PARVB: variants seen among roughly 807,000 people sequenced by gnomAD.
PARVB encodes beta-parvin.
In PARVB, 46 loss-of-function variants were observed where a neutral mutation model predicts 47.0. That is an observed-to-expected ratio of 0.98 (90% CI 0.77 to 1.25). The LOEUF is 1.25. Among genes scored for constraint, PARVB ranks in the 50% most tolerant of loss-of-function variants. The pLI, the probability that PARVB is intolerant of heterozygous loss-of-function variation, is 0.00. For synonymous variants in PARVB, 196 were observed against 196.3 expected (o/e 1.00, Z 0.01); for missense variants, 473 against 471.6 (o/e 1.00, Z -0.03).
Position 44,147,855 on chromosome 22 carries a change from C to T in PARVB, c.713-6C>T. 1 of 1,613,808 alleles carries T rather than the reference C, an allele frequency of 6.2e-7. No individual in the cohort carries two copies. The highest frequency in any genetic ancestry group is 8.5e-7 in the Non-Finnish European group (1 of 1,179,698). Reference sequence around the variant, plus strand: ...CTCCTTCGTGTCTCTCTTTGCATGTCCTCAGAGCGGGATGCCTTCGACACG... The same window carrying T: ...CTCCTTCGTGTCTCTCTTTGCATGTTCTCAGAGCGGGATGCCTTCGACACG... On this transcript the variant is annotated splice_polypyrimidine_tract_variant and splice_region_variant and intron_variant, in intron 8 of 12. Coordinates refer to ENST00000338758, the MANE Select transcript of PARVB (RefSeq NM_013327.5).
At chr22:44,099,340 T>A (rs933711572) in intron 2 of PARVB, among the ~76,000 whole-genome samples, 6 of 152,182 alleles carry the variant, frequency 3.9e-5, no homozygotes, top group African/African-American at 9.7e-5. Context: ...ACGCCTAGCC[T>A]TGGTGGGTGC....
At chr22:44,108,881 G>A (rs200411820) in intron 3 of PARVB, 2 of 152,108 alleles carry the variant, frequency 1.3e-5, no homozygotes, top group African/African-American at 2.4e-5. Flanking sequence ...CAGGGGATGC[G>A]ATGGCCTGGC....
intron 1 of PARVB, among the ~76,000 whole-genome samples, chr22:44,030,140 G>C (rs1447059044): frequency 6.6e-6 from 1 of 152,238 alleles, no homozygotes; most frequent in African/African-American, 2.4e-5. Context: ...GAAGGGAGGG[G>C]AGCTGTGGCA....
At chr22:44,143,678 A>G (rs940564631) in intron 8 of PARVB, 2 of 152,350 alleles carry the variant, frequency 1.3e-5, no homozygotes, top group African/African-American at 4.8e-5. Flanking sequence ...GCCTCCTGAC[A>G]GCATCACTGT....
At chr22:44,162,842 A>G (rs2054082159) in intron 11 of PARVB, 1 of 152,188 alleles carries the variant, frequency 6.6e-6, no homozygotes, top group South Asian at 2.1e-4. Context: ...TAGCAGGATA[A>G]AAGCTTCAGG....
At chr22:44,052,030 G>A (rs997847457) in intron 1 of PARVB, among the ~76,000 whole-genome samples, 1 of 152,164 alleles carries the variant, frequency 6.6e-6, no homozygotes, top group Non-Finnish European at 1.5e-5. Context: ...CGGCTCTGCC[G>A]ACACCTTGAT....
chr22:44,023,762 C>G (rs2050683825), upstream of PARVB, among the ~76,000 whole-genome samples: 1 of 152,092 alleles, frequency 6.6e-6, no homozygotes, highest in Admixed American at 6.5e-5. Context: ...AAGCCATTTC[C>G]TGGGGCCTCC....
rs533538516 is a variant in PARVB at position 44,035,480 on chromosome 22, C to G, written c.112+11029C>G. 9.1e-4 allele frequency among the ~76,000 whole-genome samples: 137 copies of G among 150,644 alleles called. 1 individual carries two copies. The highest frequency in any genetic ancestry group is 3.2e-3 in the Admixed American group (48 of 14,932). On this transcript the variant is annotated intron_variant, in intron 1 of 12. Transcript: ENST00000338758. ...CCGCCTCCTGGGTTCAAGCGATTCT[C>G]CTGCCTCAGCCTCCCAAGTAGCTGG...
In PARVB at chr22:44,125,417, A is replaced by G. The variant is rs1021922968; in HGVS notation, c.377-6070A>G. Among the ~76,000 whole-genome samples the G allele has an allele frequency of 2.6e-5, 4 of 152,248 alleles. No individual in the cohort carries two copies. The highest frequency in any genetic ancestry group is 9.6e-5 in the African/African-American group (4 of 41,550). ...AACCTGAAACCTAGATGATGTTTTA[A>G]AGGAATGACAAGTGCTAGGAGGAAA... On this transcript the variant is annotated intron_variant, in intron 4 of 12. Coordinates refer to ENST00000338758, the MANE Select transcript of PARVB (RefSeq NM_013327.5). The surrounding 1 kb of genome is among the most constrained non-coding windows in gnomAD (Gnocchi z 4.1).
rs1359049130 is a variant in PARVB at position 44,115,612 on chromosome 22, G to A, written c.274-3426G>A. On this transcript the variant is annotated intron_variant, in intron 3 of 12. Coordinates refer to ENST00000338758, the MANE Select transcript of PARVB (RefSeq NM_013327.5). ...ATACATTGTTATTAACTAAGGCCCTGCACCAACACAGATACATTGTTACTA... is the reference window on the plus strand; with the variant it reads ...ATACATTGTTATTAACTAAGGCCCTACACCAACACAGATACATTGTTACTA... The A allele has an allele frequency of 2.7e-5, 2 of 73,692 alleles. 1 individual carries two copies. Among genetic ancestry groups the A allele is most frequent in the South Asian group, 9.4e-4 (2 of 2,138 alleles). 4.6% of individuals were successfully genotyped at this position (73,692 alleles called of 1,614,324 possible).
At chr22:44,007,150 G>T (rs967496533) in intron 2 of PARVB, among the ~76,000 whole-genome samples, 2 of 152,196 alleles carry the variant, frequency 1.3e-5, no homozygotes, top group Non-Finnish European at 2.9e-5. Context: ...CTTAGTGTGT[G>T]CGAGGCTGCG....
At chr22:44,140,170 G>C (rs778418411) in intron 8 of PARVB, 27 bp downstream of exon 8, 4 of 1,612,880 alleles carry the variant, frequency 2.5e-6, no homozygotes, top group Non-Finnish European at 3.4e-6. Context: ...AAAGTGGGGA[G>C]ATGGAGGCAT....
intron 3 of PARVB, chr22:44,105,821 G>A (rs1865740169): frequency 1.3e-5 from 2 of 152,198 alleles, no homozygotes; most frequent in African/African-American, 4.8e-5. Context: ...TGTTGTTGTT[G>A]TTTTGTGTTG....
At chr22:44,040,893 C>T (rs1424714093) in intron 1 of PARVB, among the ~76,000 whole-genome samples, 2 of 152,054 alleles carry the variant, frequency 1.3e-5, no homozygotes, top group African/African-American at 4.8e-5. Context: ...GTCCCAGCTA[C>T]TCGAGAGGCT....
At chr22:44,069,304 G>A in intron 1 of PARVB, 1 of 762,370 alleles carries the variant, frequency 1.3e-6, no homozygotes. Flanking sequence ...GAAGGTGATG[G>A]GGACGTTGGT....
chr22:44,084,533 G>A (rs142530571), intron 1 of PARVB, among the ~76,000 whole-genome samples: 2 of 152,248 alleles, frequency 1.3e-5, no homozygotes, highest in Admixed American at 6.5e-5. Context: ...AATAGGGCAC[G>A]AGATGTGAGC....
intron 2 of PARVB, among the ~76,000 whole-genome samples, chr22:44,005,507 G>A (rs1039602234): frequency 3.3e-5 from 5 of 151,570 alleles, no homozygotes; most frequent in African/African-American, 1.2e-4. Flanking sequence ...CAGAGACAAG[G>A]TCTTGCTCTG....
chr22:44,047,518 G>A (rs968814038), intron 1 of PARVB, among the ~76,000 whole-genome samples: 7 of 152,002 alleles, frequency 4.6e-5, no homozygotes, highest in Admixed American at 2.0e-4. Flanking sequence ...AAAATTAGCC[G>A]GGCATGGTGG....
chr22:44,016,099 C>CTT (rs562590606), intron 2 of PARVB, among the ~76,000 whole-genome samples: 38,681 of 128,942 alleles, frequency 0.3, 6,659 homozygotes, highest in East Asian at 0.62. Flanking sequence ...TTCTTTCTTT[C>CTT]TTTTTTTTTT....
Sources: allele counts gnomAD v4.1 joint callset (sites outside exome capture counted in the v4.1 genomes callset), GRCh38; gene constraint gnomAD v4.1.1; non-coding constraint Gnocchi (gnomAD v3.1); transcripts MANE v1.5; gene names NCBI Gene and HGNC (gene_info 2026-07-23, HGNC 2026-07-21).